Variants in ZNF214 observed in about 807,000 individuals in gnomAD.
ZNF214 encodes the protein zinc finger protein 214.
Under a neutral mutation model 53.9 loss-of-function variants are expected in ZNF214, and 43 were observed. The observed-to-expected ratio is 0.80, with a 90% CI of 0.63 to 1.03. The LOEUF is 1.03. ZNF214 is among the 50% of genes least tolerant of loss of function. The pLI, the probability that ZNF214 is intolerant of heterozygous loss-of-function variation, is 0.00. For synonymous variants in ZNF214, 217 were observed against 229.5 expected (o/e 0.95, Z 0.49); for missense variants, 724 against 719.1 (o/e 1.01, Z -0.08).
intron 1 of ZNF214, among the ~76,000 whole-genome samples, chr11:7,011,730 T>G (rs1851609729): frequency 6.6e-6 from 1 of 152,150 alleles, no homozygotes; most frequent in South Asian, 2.1e-4. Flanking sequence ...TGTCATTATT[T>G]GCATAGTTAT....
chr11:7,018,495 C>CTTTTTTTTTTTTTTTTTTTTTTTTT (rs55641448), intron 1 of ZNF214, among the ~76,000 whole-genome samples: 2 of 61,876 alleles, frequency 3.2e-5, no homozygotes, highest in Non-Finnish European at 5.8e-5. Context: ...AATGTTAAGA[C>CTTTTTTTTTTTTTTTTTTTTTTTTT]TTTTTTTTTT....
intron 1 of ZNF214, among the ~76,000 whole-genome samples, chr11:7,010,672 A>G (rs1052281040): frequency 6.6e-6 from 1 of 151,606 alleles, no homozygotes; most frequent in Non-Finnish European, 1.5e-5. Context: ...TCAAAAAAGA[A>G]GAATAAAGTG....
At chr11:7,003,005 T>G (rs1851389247) in intron 1 of ZNF214, 150 bp from the exon 2 acceptor site, 2 of 604,232 alleles carry the variant, frequency 3.3e-6, no homozygotes, top group African/African-American at 3.9e-5. Flanking sequence ...AGTAGTTAAA[T>G]AGCTAAATAA....
At chr11:7,012,099 G>C (rs970464430) in intron 1 of ZNF214, among the ~76,000 whole-genome samples, 1 of 152,126 alleles carries the variant, frequency 6.6e-6, no homozygotes, top group Non-Finnish European at 1.5e-5. Flanking sequence ...AGTTGGTAAA[G>C]ACAAGTAAAC....
intron 1 of ZNF214, among the ~76,000 whole-genome samples, chr11:7,005,878 A>G (rs936225400): frequency 3.3e-5 from 5 of 152,116 alleles, no homozygotes; most frequent in Admixed American, 2.6e-4. Context: ...TTTTCTGGTT[A>G]TCCTGAAATG....
At chr11:7,019,438 A>T (rs7938434) in intron 1 of ZNF214, among the ~76,000 whole-genome samples, 23,028 of 152,218 alleles carry the variant, frequency 0.15, 2,147 homozygotes, top group Non-Finnish European at 0.21. Flanking sequence ...ACACTTAAAT[A>T]GTATCTATTC....
At chr11:7,005,531 T>G (rs543151352) in intron 1 of ZNF214, among the ~76,000 whole-genome samples, 282 of 152,198 alleles carry the variant, frequency 1.9e-3, no homozygotes, top group East Asian at 2.5e-3. Flanking sequence ...CTTGTGGTGT[T>G]TAAGTTCTTT....
chr11:7,012,318 TTAAC>T (rs1163255552), intron 1 of ZNF214, among the ~76,000 whole-genome samples: 3 of 152,072 alleles, frequency 2.0e-5, no homozygotes, highest in African/African-American at 7.2e-5. Context: ...TGAAAACTGA[TTAAC>T]TATATGAGAT....
chr11:7,012,327 T>A (rs1187678888), intron 1 of ZNF214, among the ~76,000 whole-genome samples: 1 of 152,026 alleles, frequency 6.6e-6, no homozygotes, highest in Admixed American at 6.5e-5. Flanking sequence ...ATTAACTATA[T>A]GAGATAAAAT....
At chr11:7,003,719 A>G (rs1167168621) in intron 1 of ZNF214, among the ~76,000 whole-genome samples, 3 of 152,002 alleles carry the variant, frequency 2.0e-5, no homozygotes, top group Admixed American at 6.6e-5. Context: ...AGGGCAAAGG[A>G]AAGATGTACT....
At chr11:7,019,520 AGGAATACT>A (rs1361802625) in intron 1 of ZNF214, among the ~76,000 whole-genome samples, 2 of 152,196 alleles carry the variant, frequency 1.3e-5, no homozygotes, top group Non-Finnish European at 2.9e-5. Context: ...CTTGCTAAAC[AGGAATACT>A]GGATTTACTA....
At chr11:7,014,290 C>G (rs1259991325) in intron 1 of ZNF214, among the ~76,000 whole-genome samples, 2 of 152,146 alleles carry the variant, frequency 1.3e-5, no homozygotes, top group Admixed American at 6.5e-5. Flanking sequence ...ACCAAAAGAT[C>G]TGTACAAGAA....
rs537907612 is a variant in ZNF214 at position 7,002,403 on chromosome 11, T to C, written c.127+306A>G. On this transcript the variant is annotated intron_variant, in intron 2 of 2. Coordinates refer to ENST00000278314, the MANE Select transcript of ZNF214 (RefSeq NM_013249.4). ...AGTATGTTATACAACAAAAGCTAACTTATACAAATAGCATGAAGAGAGAAA... is the reference window on the plus strand; with the variant it reads ...AGTATGTTATACAACAAAAGCTAACCTATACAAATAGCATGAAGAGAGAAA... 2.0e-5 allele frequency among the ~76,000 whole-genome samples: 3 copies of C among 152,080 alleles called. No homozygotes were observed. In the South Asian group the frequency reaches 6.2e-4, roughly 31 times the overall value.
At chr11:7,003,599 G>C (rs1167180568) in intron 1 of ZNF214, among the ~76,000 whole-genome samples, 1 of 151,932 alleles carries the variant, frequency 6.6e-6, no homozygotes, top group African/African-American at 2.4e-5. Flanking sequence ...CATCATAGAG[G>C]TTTTTAAACC....
Position 7,008,093 on chromosome 11 carries a change from G to A in ZNF214, c.-20-5238C>T, listed in dbSNP as rs370702941. Among the ~76,000 whole-genome samples, 6 of 151,918 alleles carry A rather than the reference G, an allele frequency of 3.9e-5. No individual in the cohort carries two copies. In the East Asian group the frequency reaches 5.8e-4, roughly 15 times the overall value. On this transcript the variant is annotated intron_variant, in intron 1 of 2. Coordinates refer to ENST00000278314, the MANE Select transcript of ZNF214 (RefSeq NM_013249.4). ...TAAATGTAATAATGACAATAATTAC[G>A]TAAAAAATGTGCAAGATCCAAATGA... is the stretch of plus-strand genomic sequence containing the variant.
intron 1 of ZNF214, among the ~76,000 whole-genome samples, chr11:7,010,236 G>T (rs1485200274): frequency 6.6e-6 from 1 of 151,932 alleles, no homozygotes; most frequent in African/African-American, 2.4e-5. Context: ...TACTACACAG[G>T]CATTAAAAAA....
chr11:7,001,520 TTTC>T lies in ZNF214; in HGVS notation c.160_162del (p.Glu54del), dbSNP rs1851351293. The T allele has an allele frequency of 3.1e-6, 5 of 1,607,902 alleles. No individual in the cohort carries two copies. Among genetic ancestry groups the T allele is most frequent in the Non-Finnish European group, 4.3e-6 (5 of 1,176,404 alleles). Reference sequence around the variant, plus strand: ...TTTTCATATTCTAAGTATCTGAATTTTTCTTCTTGGGATTTGTAGCTCTCATTC... The same window carrying T: ...TTTTCATATTCTAAGTATCTGAATTTTTCTTGGGATTTGTAGCTCTCATTC... On this transcript the variant is annotated inframe_deletion, in exon 3 of 3. Coordinates refer to ENST00000278314, the MANE Select transcript of ZNF214 (RefSeq NM_013249.4).
intron 1 of ZNF214, among the ~76,000 whole-genome samples, chr11:7,017,732 C>T (rs1851805762): frequency 8.2e-6 from 1 of 121,822 alleles, no homozygotes; most frequent in South Asian, 3.2e-4. Flanking sequence ...GAGCGAGACT[C>T]CGTCTCAAAA....
chr11:7,002,860 G>T lies in ZNF214; in HGVS notation c.-20-5C>A. ...TCTGGTCAAAGATCAGGCTTTCTAG[G>T]AAAAAGAAATCTAAGTGAGAAGATG... On this transcript the variant is annotated splice_polypyrimidine_tract_variant and splice_region_variant and intron_variant, in intron 1 of 2. Coordinates refer to ENST00000278314, the MANE Select transcript of ZNF214 (RefSeq NM_013249.4). 6.4e-7 allele frequency: 1 copy of T among 1,570,636 alleles called. No individual in the cohort carries two copies. The highest frequency in any genetic ancestry group is 8.6e-7 in the Non-Finnish European group (1 of 1,163,958).
Sources: allele counts gnomAD v4.1 joint callset (sites outside exome capture counted in the v4.1 genomes callset), GRCh38; gene constraint gnomAD v4.1.1; transcripts MANE v1.5; gene names NCBI Gene and HGNC (gene_info 2026-07-23, HGNC 2026-07-21).